The following PCDH7 variants were observed in gnomAD, a reference collection of about 807,000 sequenced individuals.
The protein encoded by PCDH7 is protocadherin 7.
In PCDH7, 17 loss-of-function variants were observed where a neutral mutation model predicts 58.9. That is an observed-to-expected ratio of 0.29 (90% CI 0.20 to 0.43). PCDH7 has a LOEUF of 0.43. Ranked by LOEUF, PCDH7 falls within the 20% of genes least tolerant of loss-of-function variation. The pLI, the probability that PCDH7 is intolerant of heterozygous loss-of-function variation, is 1.00. For synonymous variants in PCDH7, 664 were observed against 616.4 expected, an observed-to-expected ratio of 1.08 and a Z score of -1.14; for missense variants, 1,274 against 1,441.0, an observed-to-expected ratio of 0.88 and a Z score of 1.88.
chr4:30,830,474 T>TA (rs1729632352), intron 1 of PCDH7, among the ~76,000 whole-genome samples: 2 of 152,228 alleles, frequency 1.3e-5, no homozygotes, highest in African/African-American at 2.4e-5. Flanking sequence ...AAAAAAGATT[T>TA]AAAAAATAAC....
intron 3 of PCDH7, among the ~76,000 whole-genome samples, chr4:31,083,682 C>T (rs1711921104): frequency 6.6e-6 from 1 of 152,324 alleles, no homozygotes; most frequent in East Asian, 1.9e-4. Flanking sequence ...TCTCTAAGAG[C>T]TCTCTAGCCT....
At chr4:30,733,007 T>TCCCAGTCCCCCTTC (rs1348674973), downstream of PCDH7, 1 of 152,208 alleles carries the variant, frequency 6.6e-6, no homozygotes, top group Non-Finnish European at 1.5e-5. Context: ...AGATACAGAT[T>TCCCAGTCCCCCTTC]CCCAGTCCCC....
intron 2 of PCDH7, among the ~76,000 whole-genome samples, chr4:30,939,820 G>A (rs1421163749): frequency 1.3e-5 from 2 of 152,028 alleles, no homozygotes; most frequent in Admixed American, 6.6e-5. Context: ...CTGGCTTTAC[G>A]AGTCTAAATT....
At chr4:31,001,812 T>C (rs1752383060) in intron 3 of PCDH7, among the ~76,000 whole-genome samples, 1 of 152,200 alleles carries the variant, frequency 6.6e-6, no homozygotes, top group South Asian at 2.1e-4. Flanking sequence ...GTTCAATATG[T>C]TCATATTTGT....
intron 1 of PCDH7, among the ~76,000 whole-genome samples, chr4:30,882,847 A>G (rs1737167330): frequency 6.6e-6 from 1 of 152,234 alleles, no homozygotes. Flanking sequence ...CAATATCTTC[A>G]TATATCCAAA....
chr4:30,757,747 A>G (rs1404704873), intron 1 of PCDH7, among the ~76,000 whole-genome samples: 1 of 152,190 alleles, frequency 6.6e-6, no homozygotes, highest in African/African-American at 2.4e-5. Flanking sequence ...TTATATGCCT[A>G]TTCCCGCAAT....
At chr4:31,034,867 G>A (rs1424880938) in intron 3 of PCDH7, among the ~76,000 whole-genome samples, 4 of 152,174 alleles carry the variant, frequency 2.6e-5, no homozygotes, top group Non-Finnish European at 5.9e-5. Flanking sequence ...TCAGCAGTTA[G>A]TCTTGGTGAC....
rs940313958 is a variant in PCDH7 at position 30,834,932 on chromosome 4, C to T, written c.71-85221C>T. 7.7e-4 allele frequency among the ~76,000 whole-genome samples: 115 copies of T among 149,936 alleles called. 1 individual carries two copies. Among genetic ancestry groups the T allele is most frequent in the African/African-American group, 2.3e-3 (93 of 40,636 alleles). On this transcript the variant is annotated intron_variant, in intron 1 of 3. Coordinates refer to the PCDH7 transcript ENST00000509759. ...ATATATATATATGTGTATATATATA[C>T]ACACACACACATATATATTCATCAA...
chr4:30,721,734 C>T lies in PCDH7; in HGVS notation c.312C>T (p.Asp104=). The T allele has an allele frequency of 2.5e-6, 4 of 1,613,914 alleles. No homozygotes were observed. The highest frequency in any genetic ancestry group is 3.4e-6 in the Non-Finnish European group (4 of 1,179,994). ...TGCCCCAGTGTCAGATGATCTTCGACGAGAACGAGTGCTTCCTGGACTTCG... is the reference window on the plus strand; with the variant it reads ...TGCCCCAGTGTCAGATGATCTTCGATGAGAACGAGTGCTTCCTGGACTTCG... The change falls in exon 1 of 2, where the codon GAC becomes GAT. Residue 104 remains aspartate (D), a synonymous_variant. Coordinates refer to ENST00000361762, the Ensembl canonical transcript of PCDH7. The surrounding 1 kb of genome is among the most constrained non-coding windows in gnomAD (Gnocchi z 6.7).
intron 3 of PCDH7, among the ~76,000 whole-genome samples, chr4:31,009,193 G>T (rs1282158268): frequency 6.6e-6 from 1 of 151,940 alleles, no homozygotes; most frequent in Admixed American, 6.6e-5. Context: ...ATGTAAAATG[G>T]CAGATCAGCT....
chr4:31,043,796 A>G (rs1470362006), intron 3 of PCDH7, among the ~76,000 whole-genome samples: 1 of 152,136 alleles, frequency 6.6e-6, no homozygotes, highest in Non-Finnish European at 1.5e-5. Flanking sequence ...TTTGCTGTGT[A>G]GAAGTTCTTT....
chr4:31,022,185 A>T (rs1754080336), intron 3 of PCDH7, among the ~76,000 whole-genome samples: 3 of 152,202 alleles, frequency 2.0e-5, no homozygotes. Context: ...AGATTGTATG[A>T]GAGTGCCCTT....
At chr4:30,965,316 T>C (rs1471047590) in intron 3 of PCDH7, among the ~76,000 whole-genome samples, 4 of 152,252 alleles carry the variant, frequency 2.6e-5, no homozygotes, top group South Asian at 2.1e-4. Context: ...GATATATGAA[T>C]TGGTTAAAAA....
intron 1 of PCDH7, among the ~76,000 whole-genome samples, chr4:30,915,230 C>A (rs1480026481): frequency 6.6e-6 from 1 of 152,156 alleles, no homozygotes; most frequent in Non-Finnish European, 1.5e-5. Flanking sequence ...CTATTTCTCT[C>A]TTTTTTCATA....
Position 31,074,784 on chromosome 4 carries a change from CAAA to C in PCDH7, c.*8-67668_*8-67666del, listed in dbSNP as rs1157267696. Among the ~76,000 whole-genome samples the C allele has an allele frequency of 5.1e-3, 269 of 52,452 alleles. 3 individuals are homozygous for C. The highest frequency in any genetic ancestry group is 0.022 in the African/African-American group (253 of 11,324). 34.4% of individuals were successfully genotyped at this position (52,452 alleles called of 152,430 possible). On this transcript the variant is annotated intron_variant, in intron 3 of 3. Coordinates refer to the PCDH7 transcript ENST00000509759. ...TGGGCTACAGAGGGAGATTCCGTCT[CAAA>C]AAAAAAAAAAAAAAAAAAAAGCTGT... is the stretch of plus-strand genomic sequence containing the variant.
chr4:30,936,908 C>T (rs1390173054), intron 2 of PCDH7, among the ~76,000 whole-genome samples: 1 of 151,906 alleles, frequency 6.6e-6, no homozygotes, highest in African/African-American at 2.4e-5. Context: ...ATTTATGGTT[C>T]AACTTGATAG....
intron 1 of PCDH7, among the ~76,000 whole-genome samples, chr4:30,744,038 A>G (rs1717433658): frequency 6.6e-6 from 1 of 152,164 alleles, no homozygotes; most frequent in African/African-American, 2.4e-5. Flanking sequence ...ATGCTCTACA[A>G]CAGTCAGTTT....
exon 1 of PCDH7, chr4:30,724,451 A>C: frequency 6.2e-7 from 1 of 1,614,018 alleles, no homozygotes; most frequent in Non-Finnish European, 8.5e-7. Context: ...CTTCATCCCC[A>C]GTCACCAACT....
At chr4:30,903,065 G>A (rs1223876204) in intron 1 of PCDH7, among the ~76,000 whole-genome samples, 1 of 152,054 alleles carries the variant, frequency 6.6e-6, no homozygotes, top group Non-Finnish European at 1.5e-5. Context: ...TGACAACTTT[G>A]CCCTTCTGAA....
Sources: gnomAD v4.1 joint callset for allele counts (sites outside exome capture counted in the v4.1 genomes callset) on GRCh38, gnomAD v4.1.1 for gene constraint, Gnocchi (gnomAD v3.1) non-coding constraint, MANE v1.5 for transcripts, NCBI Gene and HGNC (gene_info 2026-07-23, HGNC 2026-07-21) for gene names.